Variants in KYNU observed in about 807,000 individuals in gnomAD.
KYNU encodes the protein L-kynurenine hydrolase.
Under a neutral mutation model 59.2 loss-of-function variants are expected in KYNU, and 54 were observed. The observed-to-expected ratio is 0.91, with a 90% CI of 0.73 to 1.14. The LOEUF (loss-of-function observed/expected upper bound fraction) is 1.14. Ranked by LOEUF, KYNU falls within the 50% of genes most tolerant of loss-of-function variation. The pLI, the probability that KYNU is intolerant of heterozygous loss-of-function variation, is 0.00. For missense variants in KYNU, 567 were observed against 554.4 expected (o/e 1.02, Z -0.23); for synonymous variants, 177 against 192.0 (o/e 0.92, Z 0.65).
At chr2:142,932,368 A>G (rs1683249623) in intron 4 of KYNU, among the ~76,000 whole-genome samples, 1 of 152,110 alleles carries the variant, frequency 6.6e-6, no homozygotes, top group Non-Finnish European at 1.5e-5. Flanking sequence ...GGAGAGAACA[A>G]GGACAGGGAG....
Position 143,043,955 on chromosome 2 carries a change from A to G in KYNU, c.*1783A>G, listed in dbSNP as rs1378302130. On this transcript the variant is annotated 3_prime_UTR_variant, in exon 14 of 14. Transcript: ENST00000264170. The stretch of plus-strand genomic sequence containing the variant: ...CACCCATCAACCCGTCATCTACATC[A>G]GGTATTTCTCCTAATGCTCACCCTC... 6.6e-6 allele frequency: 1 copy of G among 151,746 alleles called. No homozygotes were observed. Among genetic ancestry groups the G allele is most frequent in the Non-Finnish European group, 1.5e-5 (1 of 67,954 alleles). 9.4% of individuals were successfully genotyped at this position (151,746 alleles called of 1,614,324 possible).
chr2:143,019,807 G>A (rs1686357308), intron 10 of KYNU, among the ~76,000 whole-genome samples: 1 of 151,870 alleles, frequency 6.6e-6, no homozygotes, highest in South Asian at 2.1e-4. Flanking sequence ...TTAATGGGAG[G>A]CTTTTTATTA....
chr2:142,947,063 C>G (rs1369225562), intron 4 of KYNU: 38 of 1,550,596 alleles, frequency 2.5e-5, no homozygotes, highest in Non-Finnish European at 2.7e-5. Flanking sequence ...CCAAGCAACT[C>G]CTGTGACTAA....
chr2:142,900,591 C>A (rs1682044337), intron 2 of KYNU, among the ~76,000 whole-genome samples: 1 of 152,160 alleles, frequency 6.6e-6, no homozygotes, highest in Non-Finnish European at 1.5e-5. Flanking sequence ...AGTTAAGTTG[C>A]AAGCCCCATG....
chr2:142,921,440 G>A (rs1408304701), intron 3 of KYNU, among the ~76,000 whole-genome samples: 1 of 152,202 alleles, frequency 6.6e-6, no homozygotes, highest in Non-Finnish European at 1.5e-5. Flanking sequence ...ACCAGGCATA[G>A]TGGCTCATGG....
chr2:143,020,252 A>G (rs1686367607), intron 10 of KYNU, among the ~76,000 whole-genome samples: 1 of 151,642 alleles, frequency 6.6e-6, no homozygotes, highest in Non-Finnish European at 1.5e-5. Flanking sequence ...TACTTTTTTG[A>G]TGTAGGCATT....
intron 4 of KYNU, among the ~76,000 whole-genome samples, chr2:142,949,673 C>T (rs1683920952): frequency 6.6e-6 from 1 of 152,222 alleles, no homozygotes; most frequent in Non-Finnish European, 1.5e-5. Context: ...CATGAAACCA[C>T]TTTTTCCTCC....
chr2:142,938,749 A>T (rs943932314), intron 4 of KYNU, among the ~76,000 whole-genome samples: 2 of 152,170 alleles, frequency 1.3e-5, no homozygotes, highest in Middle Eastern at 3.4e-3. Context: ...TGTGTGGAAA[A>T]TTTTTTAAAA....
chr2:142,980,528 T>C (rs180826922), intron 8 of KYNU, among the ~76,000 whole-genome samples: 1 of 152,246 alleles, frequency 6.6e-6, no homozygotes, highest in Admixed American at 6.6e-5. Flanking sequence ...GGACTATGAG[T>C]TGCATTCTGA....
intron 10 of KYNU, among the ~76,000 whole-genome samples, chr2:142,987,855 A>G (rs944727723): frequency 1.5e-4 from 23 of 151,924 alleles, no homozygotes; most frequent in Middle Eastern, 3.4e-3. Flanking sequence ...TGCTATTCTC[A>G]TGATGGTGAG....
intron 10 of KYNU, among the ~76,000 whole-genome samples, chr2:143,024,638 A>C (rs1245121419): frequency 6.6e-6 from 1 of 151,812 alleles, no homozygotes; most frequent in African/African-American, 2.4e-5. Context: ...CTTTATTCTG[A>C]CTTAACCTTT....
At chr2:142,984,462 A>G (rs1685140950) in intron 8 of KYNU, among the ~76,000 whole-genome samples, 1 of 152,064 alleles carries the variant, frequency 6.6e-6, no homozygotes, top group African/African-American at 2.4e-5. Flanking sequence ...TACATCACAC[A>G]TGTGAATCGT....
At chr2:142,983,638 A>T (rs571623906) in intron 8 of KYNU, among the ~76,000 whole-genome samples, 1 of 152,228 alleles carries the variant, frequency 6.6e-6, no homozygotes, top group African/African-American at 2.4e-5. Context: ...TTAGAAAAGG[A>T]AACCTTTTAC....
intron 2 of KYNU, among the ~76,000 whole-genome samples, 176 bp from the exon 3 acceptor site, chr2:142,918,433 G>A (rs1326888357): frequency 1.3e-5 from 2 of 152,102 alleles, no homozygotes; most frequent in Admixed American, 6.6e-5. Context: ...TATTTTAAAT[G>A]TAAATGCAAA....
chr2:142,896,082 C>T lies in KYNU; in HGVS notation c.169+10546C>T, dbSNP rs148008475. 1.8e-4 allele frequency among the ~76,000 whole-genome samples: 27 copies of T among 152,302 alleles called. No individual in the cohort carries two copies. The East Asian group carries it at 5.0e-3, about 28-fold the overall frequency. The stretch of plus-strand genomic sequence containing the variant: ...AAACATTCTTAGCTTTCAGGCCATA[C>T]AAAAACAGGTCATGGGCTTGATTTG... On this transcript the variant is annotated intron_variant, in intron 2 of 13. Transcript: ENST00000264170.
chr2:143,012,527 T>C (rs1686138812), intron 10 of KYNU, among the ~76,000 whole-genome samples: 1 of 151,462 alleles, frequency 6.6e-6, no homozygotes, highest in Non-Finnish European at 1.5e-5. Flanking sequence ...AAAGGGACTA[T>C]GGAGTACAAA....
chr2:143,030,190 A>C (rs1233681918), intron 11 of KYNU, among the ~76,000 whole-genome samples: 2 of 152,246 alleles, frequency 1.3e-5, no homozygotes, highest in Non-Finnish European at 1.5e-5. Flanking sequence ...AGTAGGACAC[A>C]GCAGTACCTT....
At chr2:142,953,910 T>A (rs951168211) in intron 4 of KYNU, 14 of 152,216 alleles carry the variant, frequency 9.2e-5, no homozygotes, top group African/African-American at 3.4e-4. Context: ...AGATTTATTC[T>A]ATGTACTGTC....
At chr2:142,946,080 T>C (rs932216331) in intron 4 of KYNU, among the ~76,000 whole-genome samples, 5 of 151,666 alleles carry the variant, frequency 3.3e-5, no homozygotes, top group African/African-American at 1.2e-4. Flanking sequence ...TATTTTGTTT[T>C]TTATTTTTAT....
Sources: allele counts gnomAD v4.1 joint callset (sites outside exome capture counted in the v4.1 genomes callset), GRCh38; gene constraint gnomAD v4.1.1; transcripts MANE v1.5; gene names NCBI Gene and HGNC (gene_info 2026-07-23, HGNC 2026-07-21).